CCDC171: variants seen among roughly 807,000 people sequenced by gnomAD.
CCDC171 encodes the protein coiled-coil domain-containing protein 171.
In CCDC171, 177 loss-of-function variants were observed where a neutral mutation model predicts 168.2. That is an observed-to-expected ratio of 1.05 (90% CI 0.93 to 1.19). CCDC171 has a LOEUF of 1.19. Ranked by LOEUF, CCDC171 falls within the 50% of genes most tolerant of loss-of-function variation. The pLI is 0.00. For synonymous variants in CCDC171, 687 were observed against 540.8 expected (o/e 1.27, Z -3.75); for missense variants, 1,991 against 1,539.0 (o/e 1.29, Z -4.91).
intron 3 of CCDC171, among the ~76,000 whole-genome samples, chr9:15,575,321 G>C (rs529143784): frequency 5.1e-4 from 78 of 151,998 alleles, no homozygotes; most frequent in African/African-American, 1.7e-3. Flanking sequence ...AGGCACGCAC[G>C]TGCCACCATG....
At chr9:15,726,642 T>A (rs1234579708) in intron 14 of CCDC171, among the ~76,000 whole-genome samples, 1 of 152,142 alleles carries the variant, frequency 6.6e-6, no homozygotes, top group East Asian at 1.9e-4. Flanking sequence ...GGAAAAAAGG[T>A]GGCATACATA....
At chr9:15,637,477 T>G (rs2046286438) in intron 7 of CCDC171, among the ~76,000 whole-genome samples, 1 of 151,930 alleles carries the variant, frequency 6.6e-6, no homozygotes, top group Admixed American at 6.6e-5. Context: ...TTTATTATTA[T>G]TATTATTATA....
At chr9:16,059,505 C>CTTTTT (rs869212886) in intron 1 of CCDC171, among the ~76,000 whole-genome samples, 8 of 101,430 alleles carry the variant, frequency 7.9e-5, no homozygotes, top group Admixed American at 1.0e-4. Flanking sequence ...TTTTTTTTTT[C>CTTTTT]TTTTTTTTTT....
At chr9:15,811,948 G>A in intron 21 of CCDC171, among the ~76,000 whole-genome samples, 1 of 152,140 alleles carries the variant, frequency 6.6e-6, no homozygotes, top group East Asian at 1.9e-4. Flanking sequence ...TAAGTTGTGG[G>A]AAAACATTTG....
intron 7 of CCDC171, among the ~76,000 whole-genome samples, chr9:15,648,982 A>C (rs1004861604): frequency 6.6e-6 from 1 of 152,202 alleles, no homozygotes; most frequent in East Asian, 1.9e-4. Flanking sequence ...GCATCATGCT[A>C]CCTGACTTCA....
intron 3 of CCDC171, among the ~76,000 whole-genome samples, chr9:15,998,646 C>T (rs1052066845): frequency 2.6e-5 from 4 of 152,144 alleles, no homozygotes; most frequent in African/African-American, 7.2e-5. Flanking sequence ...CCTTCAGAAG[C>T]GGTAGTAACT....
At chr9:15,704,046 A>G (rs2052013201) in intron 11 of CCDC171, among the ~76,000 whole-genome samples, 1 of 152,230 alleles carries the variant, frequency 6.6e-6, no homozygotes, top group Non-Finnish European at 1.5e-5. Flanking sequence ...CATGATGCCA[A>G]TAGACTTGCT....
intron 1 of CCDC171, among the ~76,000 whole-genome samples, chr9:15,558,817 G>A (rs537065220): frequency 2.6e-5 from 4 of 152,068 alleles, no homozygotes; most frequent in Admixed American, 6.6e-5. Context: ...TCTTTTAATT[G>A]TGATGTTAGG....
At chr9:16,041,528 T>C (rs970689220), upstream of CCDC171, among the ~76,000 whole-genome samples, 2 of 152,174 alleles carry the variant, frequency 1.3e-5, no homozygotes, top group Non-Finnish European at 2.9e-5. Flanking sequence ...TTAGTACTTA[T>C]TTTGATCTGA....
chr9:15,682,817 A>G (rs928523852), intron 10 of CCDC171, among the ~76,000 whole-genome samples: 2 of 152,002 alleles, frequency 1.3e-5, no homozygotes, highest in Admixed American at 6.6e-5. Flanking sequence ...TTGATTGGAA[A>G]TTGAGCTTTT....
At chr9:16,093,761 G>A in the CCDC171 span, among the ~76,000 whole-genome samples, 13 of 152,142 alleles carry the variant, frequency 8.5e-5, no homozygotes, top group Non-Finnish European at 1.6e-4. Context: ...AAGCATGCCA[G>A]CTAACCAACA....
chr9:15,706,449 G>T (rs2052243528), intron 11 of CCDC171, among the ~76,000 whole-genome samples: 2 of 151,798 alleles, frequency 1.3e-5, no homozygotes, highest in Admixed American at 6.6e-5. Context: ...CATCATGCTT[G>T]GCTAAATTTT....
At chr9:15,817,572 T>C (rs2059607635) in intron 21 of CCDC171, among the ~76,000 whole-genome samples, 1 of 118,540 alleles carries the variant, frequency 8.4e-6, no homozygotes, top group Non-Finnish European at 1.9e-5. Flanking sequence ...TGGAGGGTCC[T>C]ACGCCCACGG....
intron 18 of CCDC171, among the ~76,000 whole-genome samples, chr9:15,775,888 T>C (rs192472487): frequency 7.7e-4 from 117 of 152,288 alleles, no homozygotes; most frequent in African/African-American, 2.6e-3. Context: ...CCAGTGAAGA[T>C]AAAAAGAGTT....
chr9:16,081,112 G>A, the CCDC171 span, among the ~76,000 whole-genome samples: 18 of 152,148 alleles, frequency 1.2e-4, no homozygotes, highest in African/African-American at 4.1e-4. Context: ...GTTCAGACAC[G>A]CCATCAGAGC....
At chr9:15,598,221 G>C (rs1201815708) in intron 6 of CCDC171, among the ~76,000 whole-genome samples, 7 of 152,006 alleles carry the variant, frequency 4.6e-5, no homozygotes, top group Admixed American at 4.6e-4. Flanking sequence ...TGCTTCTCTA[G>C]TTCTTTTAAT....
At chr9:15,827,461 T>G (rs1191007024) in intron 21 of CCDC171, among the ~76,000 whole-genome samples, 2 of 152,208 alleles carry the variant, frequency 1.3e-5, no homozygotes, top group South Asian at 2.1e-4. Context: ...AGATTGAAGC[T>G]TTCACTGCTT....
intron 24 of CCDC171, chr9:15,885,852 A>G (rs1819326660): frequency 6.6e-6 from 1 of 152,190 alleles, no homozygotes; most frequent in Non-Finnish European, 1.5e-5. Flanking sequence ...GCTAAGTACA[A>G]TGATAATTTC....
the CCDC171 span, among the ~76,000 whole-genome samples, chr9:16,082,804 G>A: frequency 6.6e-6 from 1 of 152,028 alleles, no homozygotes; most frequent in South Asian, 2.1e-4. Flanking sequence ...TTATGCTTTG[G>A]GATTCCATTT....
Sources: gnomAD v4.1 joint callset for allele counts (sites outside exome capture counted in the v4.1 genomes callset) on GRCh38, gnomAD v4.1.1 for gene constraint, MANE v1.5 for transcripts, NCBI Gene and HGNC (gene_info 2026-07-23, HGNC 2026-07-21) for gene names.